TENM2: variants seen among roughly 807,000 people sequenced by gnomAD.
TENM2 encodes the protein teneurin transmembrane protein 2.
In TENM2, 52 loss-of-function variants were observed where a neutral mutation model predicts 245.2. The ratio of observed to expected loss-of-function variants is 0.21; its 90% CI spans 0.17 to 0.27. TENM2 has a LOEUF of 0.27. Ranked by LOEUF, TENM2 falls within the 10% of genes least tolerant of loss-of-function variation. The pLI is 1.00. For synonymous variants in TENM2, 1,363 were observed against 1,438.9 expected (o/e 0.95, Z 1.19); for missense variants, 3,046 against 3,666.8 (o/e 0.83, Z 4.37).
chr5:167,846,459 C>T (rs547794958), intron 2 of TENM2, among the ~76,000 whole-genome samples: 61 of 152,182 alleles, frequency 4.0e-4, no homozygotes, highest in Non-Finnish European at 7.9e-4. Flanking sequence ...AAGAGAAGCT[C>T]TGGCCATCAG....
At chr5:167,564,021 A>G (rs1020842223) in intron 2 of TENM2, among the ~76,000 whole-genome samples, 3 of 152,298 alleles carry the variant, frequency 2.0e-5, no homozygotes, top group African/African-American at 4.8e-5. Flanking sequence ...AGTCTATCCT[A>G]TGTACCAGCC....
intron 8 of TENM2, 71 bp from the exon 11 acceptor site, chr5:168,097,955 G>C: frequency 8.5e-7 from 1 of 1,174,874 alleles, no homozygotes; most frequent in South Asian, 1.4e-5. Context: ...AAAGTGGCAA[G>C]TTACTGACGG....
At chr5:168,253,647 G>A (rs375414293) in intron 27 of TENM2, among the ~76,000 whole-genome samples, 103 of 150,230 alleles carry the variant, frequency 6.9e-4, no homozygotes, top group Non-Finnish European at 6.4e-4. Context: ...GGATGGTCTC[G>A]ATCTCCTGAC....
the TENM2 span, among the ~76,000 whole-genome samples, chr5:167,089,992 C>T: frequency 6.6e-6 from 1 of 152,100 alleles, no homozygotes; most frequent in East Asian, 1.9e-4. Flanking sequence ...AGAGGATTGA[C>T]AGAAGATAGA....
intron 2 of TENM2, among the ~76,000 whole-genome samples, chr5:167,444,523 C>G (rs977757433): frequency 1.3e-5 from 2 of 152,132 alleles, no homozygotes; most frequent in African/African-American, 4.8e-5. Flanking sequence ...GAAACAAACT[C>G]AAGTTGAAAG....
the TENM2 span, among the ~76,000 whole-genome samples, chr5:167,230,773 G>A: frequency 1.3e-5 from 2 of 152,146 alleles, no homozygotes; most frequent in African/African-American, 2.4e-5. Flanking sequence ...AGAATATAAT[G>A]TATATTAGAA....
At chr5:168,004,517 GCACA>G (rs550787443) in intron 5 of TENM2, among the ~76,000 whole-genome samples, 28,994 of 132,028 alleles carry the variant, frequency 0.22, 3,708 homozygotes, top group Non-Finnish European at 0.31. Context: ...GCGCGCGCGC[GCACA>G]CACACACACA....
At chr5:167,308,714 C>G (rs888292782) in intron 1 of TENM2, among the ~76,000 whole-genome samples, 1 of 152,216 alleles carries the variant, frequency 6.6e-6, no homozygotes, top group Non-Finnish European at 1.5e-5. Flanking sequence ...CCAAATCTCA[C>G]CATGTTCCTC....
chr5:168,106,142 G>A (rs536196676), intron 9 of TENM2, among the ~76,000 whole-genome samples: 17 of 152,264 alleles, frequency 1.1e-4, no homozygotes, highest in Admixed American at 4.6e-4. Context: ...TCCTGCTGCT[G>A]AACAGCTGTC....
chr5:167,945,248 G>C (rs967169157), intron 3 of TENM2, among the ~76,000 whole-genome samples: 2 of 152,080 alleles, frequency 1.3e-5, no homozygotes, highest in South Asian at 2.1e-4. Flanking sequence ...GAGCACAGGA[G>C]AGTCCAAAAA....
intron 2 of TENM2, among the ~76,000 whole-genome samples, chr5:167,567,424 A>G (rs1582407597): frequency 6.6e-6 from 1 of 152,144 alleles, no homozygotes; most frequent in African/African-American, 2.4e-5. Context: ...CCCTAAGGAA[A>G]AACAAACCTC....
chr5:168,107,717 C>T (rs1353670662), intron 9 of TENM2, among the ~76,000 whole-genome samples: 1 of 152,230 alleles, frequency 6.6e-6, no homozygotes, highest in Non-Finnish European at 1.5e-5. Context: ...AGTCACCCCT[C>T]ATAAAGTGTG....
chr5:168,172,700 C>A (rs1256550733), intron 13 of TENM2, among the ~76,000 whole-genome samples: 1 of 152,192 alleles, frequency 6.6e-6, no homozygotes, highest in Non-Finnish European at 1.5e-5. Context: ...ATACCATCGG[C>A]GTTAGCTTTT....
chr5:167,301,308 G>T lies in TENM2; in HGVS notation c.226+16245G>T, dbSNP rs571887238. Among the ~76,000 whole-genome samples the T allele has an allele frequency of 2.6e-5, 4 of 152,356 alleles. 1 individual carries two copies. In the South Asian group the frequency reaches 8.3e-4, roughly 32 times the overall value. Reference sequence around the variant, plus strand: ...CATGGCTTAGGAGGAATCCTGGGCTGCGGGCATTCCTTGGCCTGGTGGCCA... The same window carrying T: ...CATGGCTTAGGAGGAATCCTGGGCTTCGGGCATTCCTTGGCCTGGTGGCCA... On this transcript the variant is annotated intron_variant, in intron 1 of 28. Coordinates refer to ENST00000518659, the Ensembl canonical transcript of TENM2.
intron 2 of TENM2, among the ~76,000 whole-genome samples, chr5:167,495,096 C>G (rs1365742604): frequency 3.9e-5 from 6 of 151,920 alleles, no homozygotes; most frequent in African/African-American, 1.5e-4. Context: ...TGGAGAAGGC[C>G]TCAAGATCAA....
chr5:168,007,274 G>A (rs917567115), intron 5 of TENM2, among the ~76,000 whole-genome samples: 5 of 151,988 alleles, frequency 3.3e-5, no homozygotes, highest in South Asian at 2.1e-4. Flanking sequence ...GATTACAGGC[G>A]CCCGCCATCA....
intron 5 of TENM2, among the ~76,000 whole-genome samples, chr5:167,994,499 C>T (rs1303540850): frequency 6.6e-6 from 1 of 152,208 alleles, no homozygotes; most frequent in Non-Finnish European, 1.5e-5. Context: ...GACTGTGCAC[C>T]CCCACAGATC....
At chr5:167,892,878 T>C (rs954198889) in intron 3 of TENM2, among the ~76,000 whole-genome samples, 1 of 152,164 alleles carries the variant, frequency 6.6e-6, no homozygotes, top group African/African-American at 2.4e-5. Context: ...AAAAAATACC[T>C]CTCCATTGCA....
the TENM2 span, chr5:167,116,603 T>C: frequency 1.3e-5 from 2 of 152,092 alleles, no homozygotes; most frequent in Non-Finnish European, 2.9e-5. Flanking sequence ...AACCTTTGGG[T>C]AGCCTGGCTC....
Sources: gnomAD v4.1 joint callset for allele counts (sites outside exome capture counted in the v4.1 genomes callset) on GRCh38, gnomAD v4.1.1 for gene constraint, MANE v1.5 for transcripts, NCBI Gene and HGNC (gene_info 2026-07-23, HGNC 2026-07-21) for gene names.